The following STRAP variants were observed in gnomAD, a reference collection of about 807,000 sequenced individuals.
The protein encoded by STRAP is serine/threonine kinase receptor associated protein.
A neutral mutation model predicts 47.0 loss-of-function variants in STRAP; 16 were observed. The observed-to-expected ratio is 0.34, with a 90% confidence interval of 0.23 to 0.52. The LOEUF is 0.52. STRAP is among the 20% of genes least tolerant of loss of function. The pLI is 0.96. For missense variants in STRAP, 293 were observed against 420.0 expected (o/e 0.70, Z 2.64); for synonymous variants, 130 against 142.7 (o/e 0.91, Z 0.63).
chr12:15,895,626 C>A (rs1948053323), intron 6 of STRAP, 130 bp downstream of exon 6: 2 of 961,906 alleles, frequency 2.1e-6, no homozygotes, highest in Non-Finnish European at 2.9e-6. Flanking sequence ...CCTATAATCG[C>A]AGTACCTTGG....
rs981512524 is a variant in STRAP, at chr12:15,893,933, A to T, written c.404-114A>T. 3.7e-6 allele frequency: 3 copies of T among 817,618 alleles called. No homozygotes were observed. In the African/African-American group the frequency reaches 5.3e-5, roughly 14 times the overall value. The allele number at this position is 817,618 out of a possible 1,614,324, so 50.6% of individuals were successfully genotyped here. Reference sequence around the variant, plus strand: ...AAGTTTGAATTGGGCTGGGCTTTGAAAAGTTGCAGTCTAATTTAAAATGTG... The same window carrying T: ...AAGTTTGAATTGGGCTGGGCTTTGATAAGTTGCAGTCTAATTTAAAATGTG... On this transcript the variant is annotated intron_variant, in intron 4 of 9. Transcript: ENST00000419869.
rs1565574389 is a variant in STRAP at position 15,889,993 on chromosome 12, C to G, written c.314C>G (p.Thr105Ser). 1 of 1,613,554 alleles carries G rather than the reference C, an allele frequency of 6.2e-7. No individual in the cohort carries two copies. The highest frequency in any genetic ancestry group is 1.1e-5 in the South Asian group (1 of 91,038). ...CTGGCTCATAAACACATTGTCAAGACTGTGGATTTCACGCAGGTATCAGAA... is the reference window on the plus strand; with the variant it reads ...CTGGCTCATAAACACATTGTCAAGAGTGTGGATTTCACGCAGGTATCAGAA... Reference protein sequence around the residue: ...MTLAHKHIVKTVDFTQDSNYL... With the variant: ...MTLAHKHIVKSVDFTQDSNYL... Residue 105 changes from threonine (T) to serine (S), a missense_variant, in exon 3 of 10, where the codon ACT becomes AGT. Transcript: ENST00000419869.
rs1948045564 is a variant in STRAP at position 15,894,620 on chromosome 12, C to G, written c.500+477C>G. On this transcript the variant is annotated intron_variant, in intron 5 of 9. Transcript: ENST00000419869. The surrounding 1 kb of genome is among the most constrained non-coding windows in gnomAD (Gnocchi z 4.9). Reference sequence around the variant, plus strand: ...TATTTACTAATACAGGTTGAGTATCCCTAACCTGAAAATCTGAAATTTGAA... The same window carrying G: ...TATTTACTAATACAGGTTGAGTATCGCTAACCTGAAAATCTGAAATTTGAA... Among the ~76,000 whole-genome samples the G allele has an allele frequency of 6.6e-6, 1 of 151,962 alleles. No homozygotes were observed. Among genetic ancestry groups the G allele is most frequent in the African/African-American group, 2.4e-5 (1 of 41,354 alleles).
intron 6 of STRAP, 109 bp from the exon 7 acceptor site, chr12:15,897,773 A>G: frequency 1.4e-6 from 1 of 698,976 alleles, no homozygotes; most frequent in Non-Finnish European, 2.1e-6. Context: ...GTTTGAGTAA[A>G]TGAGTATTTA....
chr12:15,903,272 G>T lies in STRAP; in HGVS notation c.*294G>T. ...TTCTATTATTACAATTAGGGTTCTT[G>T]TAGCTGTTTATGTTAATATGGAGAA... On this transcript the variant is annotated 3_prime_UTR_variant, in exon 10 of 10. Coordinates refer to ENST00000419869, the MANE Select transcript of STRAP (RefSeq NM_007178.4). The T allele has an allele frequency of 4.2e-6, 1 of 240,724 alleles. No homozygotes were observed. The allele number at this position is 240,724 out of a possible 1,614,324, so 14.9% of individuals were successfully genotyped here.
Position 15,902,923 on chromosome 12 carries a change from T to G in STRAP, c.998T>G (p.Ile333Ser). ...PETTEEELEE[I>S]ASENSDCIFP... ...TTTTTTTTTTTACTTATAGAAGAAA[T>G]TGCTTCAGAGAATTCAGATTGCATC... The change falls in exon 10 of 10, where the codon ATT (isoleucine) becomes AGT (serine). Residue 333 changes from isoleucine to serine, a missense_variant. Coordinates refer to ENST00000419869, the MANE Select transcript of STRAP (RefSeq NM_007178.4). 5 of 1,465,640 alleles carry G rather than the reference T, an allele frequency of 3.4e-6. No homozygotes were observed. Among genetic ancestry groups the G allele is most frequent in the Non-Finnish European group, 4.5e-6 (5 of 1,117,520 alleles). The allele number at this position is 1,465,640 out of a possible 1,614,324, so 90.8% of individuals were successfully genotyped here.
intron 1 of STRAP, chr12:15,883,181 A>C: frequency 2.0e-6 from 3 of 1,497,906 alleles, no homozygotes; most frequent in Non-Finnish European, 2.7e-6. Flanking sequence ...GCAATACCTT[A>C]CAAAGACGTT....
intron 4 of STRAP, among the ~76,000 whole-genome samples, chr12:15,892,197 A>G (rs891104788): frequency 4.6e-5 from 7 of 151,920 alleles, no homozygotes; most frequent in African/African-American, 1.5e-4. Flanking sequence ...CCTTTTGTCC[A>G]TTTATCTGTT....
At chr12:15,884,507 C>CT (rs879449752) in intron 2 of STRAP, among the ~76,000 whole-genome samples, 5,132 of 140,938 alleles carry the variant, frequency 0.036, 283 homozygotes, top group African/African-American at 0.12. Flanking sequence ...ATTTTTAAAA[C>CT]TTTTTTTTTT....
intron 6 of STRAP, 102 bp downstream of exon 6, chr12:15,895,598 C>G: frequency 7.6e-7 from 1 of 1,312,288 alleles, no homozygotes; most frequent in Non-Finnish European, 1.0e-6. Flanking sequence ...GTAAAGAGGC[C>G]AGGAGTGGTG....
intron 2 of STRAP, among the ~76,000 whole-genome samples, chr12:15,888,753 T>C (rs1947991961): frequency 1.3e-5 from 2 of 152,208 alleles, no homozygotes; most frequent in African/African-American, 2.4e-5. Flanking sequence ...CTTTTAATTA[T>C]ATTTCTTAAA....
chr12:15,897,326 A>T (rs918662940), intron 6 of STRAP, among the ~76,000 whole-genome samples: 1 of 152,172 alleles, frequency 6.6e-6, no homozygotes, highest in Non-Finnish European at 1.5e-5. Context: ...TTTTTATTAT[A>T]TAACTATAGC....
chr12:15,886,155 G>A (rs1417697082), intron 2 of STRAP, among the ~76,000 whole-genome samples: 1 of 151,690 alleles, frequency 6.6e-6, no homozygotes, highest in Non-Finnish European at 1.5e-5. Context: ...TTGCATTCGT[G>A]TGCTAACTAT....
intron 9 of STRAP, 61 bp downstream of exon 9, chr12:15,901,073 AG>A: frequency 7.4e-7 from 1 of 1,343,634 alleles, no homozygotes; most frequent in Admixed American, 2.6e-5. Context: ...GAACTGTAAC[AG>A]AAGTTTTACT....
intron 9 of STRAP, 32 bp from the exon 10 acceptor site, chr12:15,902,885 C>CTTTTTTTTTTTTTTTTTTTTTTATTTT: frequency 9.1e-7 from 1 of 1,099,926 alleles, no homozygotes; most frequent in South Asian, 1.9e-5. Context: ...ACTAATGTGA[C>CTTTTTTTTTTTTTTTTTTTTTTATTTT]TTTTTTTTTT....
chr12:15,899,525 C>T (rs1431541027), intron 7 of STRAP, among the ~76,000 whole-genome samples: 1 of 152,152 alleles, frequency 6.6e-6, no homozygotes, highest in Non-Finnish European at 1.5e-5. Flanking sequence ...AATTGATTCC[C>T]TGAGAAATAG....
Position 15,903,091 on chromosome 12 carries a change from A to G in STRAP, c.*113A>G. ...AAGGCAGAAACAGCAGTAAATAATG[A>G]GGAAAATGAATTAGCTCCAGTGCTG... On this transcript the variant is annotated 3_prime_UTR_variant, in exon 10 of 10. Transcript: ENST00000419869. The G allele has an allele frequency of 1.7e-6, 2 of 1,197,680 alleles. No individual in the cohort carries two copies. 74.2% of individuals were successfully genotyped at this position (1,197,680 alleles called of 1,614,324 possible). A position where few individuals can be genotyped will look rare whatever the true frequency, so the allele number is the denominator to read the frequency against.
chr12:15,884,040 G>GT (rs1947946834), intron 2 of STRAP, among the ~76,000 whole-genome samples: 1 of 151,992 alleles, frequency 6.6e-6, no homozygotes, highest in Non-Finnish European at 1.5e-5. Context: ...TTCAATCCCG[G>GT]TTTTTGTTAA....
chr12:15,892,009 A>G lies in STRAP; in HGVS notation c.403+1340A>G, dbSNP rs181178589. Among the ~76,000 whole-genome samples the G allele has an allele frequency of 3.6e-3, 555 of 152,336 alleles. 4 individuals are homozygous for G. The highest frequency in any genetic ancestry group is 0.01 in the Middle Eastern group (3 of 294). ...CTACCAAAGTGTCTTCCAACAAAGT[A>G]TGGGTATATATGTATGTATCTATAC... On this transcript the variant is annotated intron_variant, in intron 4 of 9. Coordinates refer to ENST00000419869, the MANE Select transcript of STRAP (RefSeq NM_007178.4).
Sources: gnomAD v4.1 joint callset for allele counts (sites outside exome capture counted in the v4.1 genomes callset) on GRCh38, gnomAD v4.1.1 for gene constraint, Gnocchi (gnomAD v3.1) non-coding constraint, MANE v1.5 for transcripts, NCBI Gene and HGNC (gene_info 2026-07-23, HGNC 2026-07-21) for gene names.